The following ZMYM1 variants were observed in gnomAD, a reference collection of about 807,000 sequenced individuals.
ZMYM1 encodes zinc finger MYM-type containing 1, also known as zinc finger MYM-type protein 1.
A neutral mutation model predicts 60.0 loss-of-function variants in ZMYM1; 39 were observed. That is an observed-to-expected ratio of 0.65 (90% CI 0.50 to 0.85). The LOEUF is 0.85. ZMYM1 is among the 40% of genes least tolerant of loss of function. The probability of loss-of-function intolerance (pLI) is 0.00; values close to 1 mark genes in which losing one functional copy is unlikely to be tolerated. For missense variants in ZMYM1, 1,171 were observed against 1,309.5 expected (o/e 0.89, Z 1.63); for synonymous variants, 413 against 454.0 (o/e 0.91, Z 1.15).
Position 35,097,341 on chromosome 1 carries a change from A to G in ZMYM1, c.194A>G (p.Gln65Arg). ...GCTTCACAGTTGACTGCAGGCATTC[A>G]GCTTTCTCTGGCATCATCTGGCGTG... ...ESASQLTAGI[Q>R]LSLASSGVNK... Residue 65 changes from glutamine to arginine, a missense_variant, in exon 4 of 10, where the codon CAG becomes CGG. By Grantham distance (43) the Gln-to-Arg change is conservative. Coordinates refer to ENST00000359858, the MANE Select transcript of ZMYM1 (RefSeq NM_024772.5). 1 of 1,607,802 alleles carries G rather than the reference A, an allele frequency of 6.2e-7. No homozygotes were observed. Among genetic ancestry groups the G allele is most frequent in the Non-Finnish European group, 8.5e-7 (1 of 1,177,162 alleles).
upstream of ZMYM1, among the ~76,000 whole-genome samples, chr1:35,078,316 G>C (rs923243395): frequency 3.9e-5 from 6 of 152,112 alleles, no homozygotes; most frequent in African/African-American, 1.4e-4. Context: ...CTTCACAAGG[G>C]CCTCAAATTT....
chr1:35,095,800 A>ATTTTT lies in ZMYM1; in HGVS notation c.97-13_97-9dup. 1 of 1,422,436 alleles carries ATTTTT rather than the reference A, an allele frequency of 7.0e-7. No individual in the cohort carries two copies. 88.1% of individuals were successfully genotyped at this position (1,422,436 alleles called of 1,614,324 possible). A position where few individuals can be genotyped will look rare whatever the true frequency, so the allele number is the denominator to read the frequency against. On this transcript the variant is annotated intron_variant, in intron 2 of 9. Coordinates refer to ENST00000359858, the MANE Select transcript of ZMYM1 (RefSeq NM_024772.5). ...ATTGTATTCACTATTTTTAATTATT[A>ATTTTT]TTTTTTTTTTCTTTTTAGGAGTATT...
At chr1:35,095,764 G>A in intron 2 of ZMYM1, 55 bp from the exon 3 acceptor site, 5 of 1,355,872 alleles carry the variant, frequency 3.7e-6, no homozygotes, top group Non-Finnish European at 5.1e-6. Context: ...ATGACTGGTT[G>A]TCTTAAATTC....
At chr1:35,083,159 C>CT (rs910142360) in intron 1 of ZMYM1, among the ~76,000 whole-genome samples, 112 of 143,136 alleles carry the variant, frequency 7.8e-4, no homozygotes, top group Admixed American at 1.1e-3. Context: ...TGTTTCTTTT[C>CT]TTTTTTTTTT....
intron 6 of ZMYM1, among the ~76,000 whole-genome samples, chr1:35,109,948 A>G (rs949986609): frequency 1.6e-4 from 25 of 152,150 alleles, no homozygotes; most frequent in African/African-American, 6.0e-4. Context: ...GGATTTCACT[A>G]TGTTGGCCAG....
At position 35,100,055 on chromosome 1, in the gene ZMYM1, T is replaced by C. The variant is rs1047851817; in HGVS notation, c.419+2489T>C. ...ACAGGCGTGTGCCACTGTGCCCAGC[T>C]AGTTTTTTTATTTTCAGTAGAGATG... is the stretch of plus-strand genomic sequence containing the variant. On this transcript the variant is annotated intron_variant, in intron 4 of 9. Coordinates refer to ENST00000359858, the MANE Select transcript of ZMYM1 (RefSeq NM_024772.5). 3.3e-5 allele frequency among the ~76,000 whole-genome samples: 5 copies of C among 152,230 alleles called. No individual in the cohort carries two copies. The East Asian group carries it at 5.8e-4, about 18-fold the overall frequency.
At chr1:35,106,282 G>A (rs1293379399) in intron 6 of ZMYM1, among the ~76,000 whole-genome samples, 1 of 152,010 alleles carries the variant, frequency 6.6e-6, no homozygotes, top group Non-Finnish European at 1.5e-5. Flanking sequence ...CATATTTTGA[G>A]ACCCAACTCT....
upstream of ZMYM1, among the ~76,000 whole-genome samples, chr1:35,076,954 A>G (rs1642178802): frequency 6.6e-6 from 1 of 151,776 alleles, no homozygotes. Context: ...AAAAAAAGAA[A>G]AGAAAAGAAA....
At position 35,114,385 on chromosome 1, in the gene ZMYM1, T is replaced by G. The variant is rs1644199216; in HGVS notation, c.2555T>G (p.Leu852Trp). The G allele has an allele frequency of 6.2e-7, 1 of 1,613,086 alleles. No homozygotes were observed. The highest frequency in any genetic ancestry group is 1.1e-5 in the South Asian group (1 of 90,898). ...GATGAATTGAGTCATTTGCTGACAT[T>G]GGTTTCCAAATTTGAATTTGTCTTT... ...FADELSHLLT[L>W]VSKFEFVFCL... The change falls in exon 10 of 10, where the codon TTG becomes TGG. Residue 852 changes from leucine (L) to tryptophan (W), a missense_variant. Coordinates refer to ENST00000359858, the MANE Select transcript of ZMYM1 (RefSeq NM_024772.5).
At chr1:35,107,117 C>T (rs1264496279) in intron 6 of ZMYM1, among the ~76,000 whole-genome samples, 3 of 149,108 alleles carry the variant, frequency 2.0e-5, no homozygotes, top group Non-Finnish European at 4.5e-5. Flanking sequence ...TCCCAAAGTG[C>T]TGGGATTACA....
chr1:35,112,044 G>A (rs1215735924), intron 8 of ZMYM1, 43 bp from the exon 9 acceptor site: 3 of 1,598,546 alleles, frequency 1.9e-6, no homozygotes, highest in Admixed American at 1.7e-5. Flanking sequence ...TATTTTATAG[G>A]TTATAGTATA....
intron 1 of ZMYM1, among the ~76,000 whole-genome samples, chr1:35,060,453 C>T (rs1641853637): frequency 6.6e-6 from 1 of 151,968 alleles, no homozygotes; most frequent in Non-Finnish European, 1.5e-5. Flanking sequence ...AGCCACCGCG[C>T]CCGGCTGGAA....
At chr1:35,076,361 C>G (rs763026786), upstream of ZMYM1, among the ~76,000 whole-genome samples, 2 of 152,206 alleles carry the variant, frequency 1.3e-5, no homozygotes, top group Admixed American at 6.5e-5. Context: ...GTGGCTCACA[C>G]CTGTAATCCC....
Position 35,114,129 on chromosome 1 carries a change from G to A in ZMYM1, c.2299G>A (p.Ala767Thr), listed in dbSNP as rs1260038962. 3.7e-6 allele frequency: 6 copies of A among 1,611,272 alleles called. No individual in the cohort carries two copies. The highest frequency in any genetic ancestry group is 4.2e-6 in the Non-Finnish European group (5 of 1,179,286). The change falls in exon 10 of 10, where the codon GCT becomes ACT. Residue 767 changes from alanine (A) to threonine (T), a missense_variant. Coordinates refer to ENST00000359858, the MANE Select transcript of ZMYM1 (RefSeq NM_024772.5). ...TAAAGAAGTAAAAGAACTCCGAAGT[G>A]CTCTAAAAACTCTCAGTTCTTTGTT... ...FCKEVKELRSALKTLSSLFNT... is the reference protein window; with the variant it reads ...FCKEVKELRSTLKTLSSLFNT...
chr1:35,114,793 A>T lies in ZMYM1; in HGVS notation c.2963A>T (p.Tyr988Phe). ...AAGTTATGTTTTTCGGAGTTTGATT[A>T]TTGCAAAATAAAGCAAATTTCAGAA... Reference protein sequence around the residue: ...NLKLCFSEFDYCKIKQISELL... With the variant: ...NLKLCFSEFDFCKIKQISELL... Residue 988 changes from tyrosine to phenylalanine, a missense_variant, in exon 10 of 10, where the codon TAT becomes TTT. Transcript: ENST00000359858. 6.2e-7 allele frequency: 1 copy of T among 1,604,916 alleles called. No individual in the cohort carries two copies. The highest frequency in any genetic ancestry group is 8.5e-7 in the Non-Finnish European group (1 of 1,174,964).
At chr1:35,099,306 A>G (rs1643512365) in intron 4 of ZMYM1, among the ~76,000 whole-genome samples, 2 of 151,932 alleles carry the variant, frequency 1.3e-5, no homozygotes, top group South Asian at 2.1e-4. Context: ...CTTTTTTGCT[A>G]TGGGCCATAT....
chr1:35,074,381 A>G (rs1044264490), intron 1 of ZMYM1, among the ~76,000 whole-genome samples: 2 of 152,088 alleles, frequency 1.3e-5, no homozygotes, highest in African/African-American at 2.4e-5. Flanking sequence ...CATTTGGTCC[A>G]TGGTGTAGCT....
intron 4 of ZMYM1, among the ~76,000 whole-genome samples, chr1:35,103,071 G>A (rs1303168563): frequency 1.3e-5 from 2 of 152,076 alleles, no homozygotes; most frequent in Non-Finnish European, 2.9e-5. Flanking sequence ...AGGCTCTGAC[G>A]GTTTTACCCA....
At chr1:35,061,105 A>G (rs1174842331) in intron 1 of ZMYM1, among the ~76,000 whole-genome samples, 1 of 152,204 alleles carries the variant, frequency 6.6e-6, no homozygotes, top group South Asian at 2.1e-4. Context: ...AAGCCAGGAC[A>G]CACCTTGGAT....
Sources: gnomAD v4.1 joint callset for allele counts (sites outside exome capture counted in the v4.1 genomes callset) on GRCh38, gnomAD v4.1.1 for gene constraint, MANE v1.5 for transcripts, NCBI Gene and HGNC (gene_info 2026-07-23, HGNC 2026-07-21) for gene names.